Variants in LONP1 observed in about 807,000 individuals in gnomAD.
LONP1 encodes lon protease homolog, mitochondrial.
LONP1 carries 31 observed loss-of-function variants against 98.5 expected under a neutral mutation model. The observed-to-expected ratio is 0.31, with a 90% CI of 0.24 to 0.42. The LOEUF (loss-of-function observed/expected upper bound fraction) is 0.42, where lower values mean the gene tolerates loss of function less well. Ranked by LOEUF, LONP1 falls within the 20% of genes least tolerant of loss-of-function variation. LONP1 has a pLI of 1.00. For synonymous variants in LONP1, 781 were observed against 594.7 expected, an observed-to-expected ratio of 1.31 and a Z score of -4.56; for missense variants, 1,336 against 1,350.6, an observed-to-expected ratio of 0.99 and a Z score of 0.17.
intron 17 of LONP1, among the ~76,000 whole-genome samples, chr19:5,692,591 T>TGCGTCACCC (rs1208023205): frequency 1.3e-5 from 2 of 152,120 alleles, no homozygotes; most frequent in Non-Finnish European, 2.9e-5. Flanking sequence ...CCCCAGGCCC[T>TGCGTCACCC]GCGTCACCCC....
chr19:5,704,451 C>T (rs749199898), intron 8 of LONP1, among the ~76,000 whole-genome samples: 1 of 152,162 alleles, frequency 6.6e-6, no homozygotes, highest in Non-Finnish European at 1.5e-5. Flanking sequence ...CTCCGGCGAC[C>T]GTGACATTCA....
chr19:5,700,674 C>G, intron 9 of LONP1, 115 bp downstream of exon 9: 1 of 1,430,194 alleles, frequency 7.0e-7, no homozygotes, highest in Non-Finnish European at 9.5e-7. Context: ...GACCAGCACC[C>G]CCAGGCCTAC....
rs1228352890 is a variant in LONP1 at position 5,699,076 on chromosome 19, G to A, written c.1636C>T (p.Arg546Cys). ...TCAGTCATGCCCCCGACGCTGAAGC[G>A]GAAGTACTCTCGGTTCAGGGCGCGG... ...IARALNREYF[R>C]FSVGGMTDVA... Residue 546 changes from arginine (R) to cysteine (C), a missense_variant, in exon 10 of 18, where the codon CGC (arginine) becomes TGC (cysteine). Physicochemically the swap from Arg to Cys is radical, Grantham distance 180. This residue lies in a region of LONP1 where 219 missense variants were observed against 241.0 expected (regional missense o/e 0.91). Coordinates refer to ENST00000360614, the MANE Select transcript of LONP1 (RefSeq NM_004793.4). The A allele has an allele frequency of 6.2e-6, 10 of 1,608,710 alleles. No homozygotes were observed. The highest frequency in any genetic ancestry group is 2.2e-5 in the South Asian group (2 of 90,834).
intron 8 of LONP1, among the ~76,000 whole-genome samples, chr19:5,703,316 G>A (rs1599463405): frequency 6.6e-6 from 1 of 152,200 alleles, no homozygotes; most frequent in East Asian, 1.9e-4. Flanking sequence ...AGGGCTGAGT[G>A]AGCAGAACCA....
At chr19:5,704,100 G>T (rs1296320128) in intron 8 of LONP1, among the ~76,000 whole-genome samples, 1 of 152,200 alleles carries the variant, frequency 6.6e-6, no homozygotes, top group East Asian at 1.9e-4. Flanking sequence ...GGGGGCCCAG[G>T]TTCCTCACCA....
rs970525160 is a variant in LONP1 at position 5,699,020 on chromosome 19, G to C, written c.1685+7C>G. The C allele has an allele frequency of 1.9e-6, 3 of 1,601,922 alleles. No individual in the cohort carries two copies. The highest frequency in any genetic ancestry group is 3.4e-5 in the Admixed American group (2 of 59,176). On this transcript the variant is annotated splice_region_variant and intron_variant, in intron 10 of 17. Transcript: ENST00000360614. ...GTGCGTGGGGAGAGCTGTCAGGCCA[G>C]GCCTACCTGTGGCCCTTGATCTCAG...
At chr19:5,713,420 C>A (rs917465261) in intron 2 of LONP1, among the ~76,000 whole-genome samples, 167 bp from the exon 3 acceptor site, 1 of 152,216 alleles carries the variant, frequency 6.6e-6, no homozygotes, top group Non-Finnish European at 1.5e-5. Flanking sequence ...CCTAGGGGAG[C>A]TTCTGCCAGG....
In LONP1 at chr19:5,696,804, G is replaced by A. The variant is rs776493049; in HGVS notation, c.1686-47C>T. The A allele has an allele frequency of 1.6e-5, 22 of 1,358,094 alleles. No individual in the cohort carries two copies. In the Admixed American group the frequency reaches 2.7e-4, roughly 17 times the overall value. The allele number at this position is 1,358,094 out of a possible 1,614,324, so 84.1% of individuals were successfully genotyped here. A position where few individuals can be genotyped will look rare whatever the true frequency, so the allele number is the denominator to read the frequency against. On this transcript the variant is annotated intron_variant, in intron 10 of 17. Coordinates refer to ENST00000360614, the MANE Select transcript of LONP1 (RefSeq NM_004793.4). ...AGAGGTCACTTGGTAGCCTGGCTCG[G>A]CCACAACGACACCATGCACCCTCCA...
At chr19:5,705,114 A>G (rs1416433124) in intron 8 of LONP1, among the ~76,000 whole-genome samples, 2 of 151,224 alleles carry the variant, frequency 1.3e-5, no homozygotes, top group Non-Finnish European at 2.9e-5. Flanking sequence ...GTGAACCAAC[A>G]TTGCACCACT....
chr19:5,691,964 T>TC lies in LONP1; in HGVS notation c.*67dup, dbSNP rs1350650278. 1.1e-6 allele frequency: 1 copy of TC among 879,766 alleles called. No homozygotes were observed. The highest frequency in any genetic ancestry group is 1.6e-6 in the Non-Finnish European group (1 of 609,696). The allele number at this position is 879,766 out of a possible 1,614,324, so 54.5% of individuals were successfully genotyped here. Reference sequence around the variant, plus strand: ...GCTCCACTGCCAGGTCCGGGCGCGCTCCCCACAGCGCTCAGTTCTGGCCCA... The same window carrying TC: ...GCTCCACTGCCAGGTCCGGGCGCGCTCCCCCACAGCGCTCAGTTCTGGCCCA... On this transcript the variant is annotated 3_prime_UTR_variant, in exon 18 of 18. Coordinates refer to ENST00000360614, the MANE Select transcript of LONP1 (RefSeq NM_004793.4).
rs370718882 is a variant in LONP1 at position 5,696,666 on chromosome 19, G to C, written c.1773+4C>G. On this transcript the variant is annotated splice_donor_region_variant and intron_variant, in intron 11 of 17. Coordinates refer to ENST00000360614, the MANE Select transcript of LONP1 (RefSeq NM_004793.4). ...AGGGGGTCTCCGGGCCTCTCCGCAC[G>C]CACCTCGTCGATGAGGATCAGGGGG... 6.8e-6 allele frequency: 11 copies of C among 1,612,742 alleles called. No individual in the cohort carries two copies. Among genetic ancestry groups the C allele is most frequent in the East Asian group, 6.7e-5 (3 of 44,876 alleles).
rs558125416 is a variant in LONP1, at chr19:5,692,093, C to A, written c.2819G>T (p.Arg940Leu). ...CGGGAAGGCGATGTCGAAGATCTCC[C>A]GGTAGTGTTCCACGAAGTGCACCTC... ...GLEVHFVEHYREIFDIAFPDE... is the reference protein window; with the variant it reads ...GLEVHFVEHYLEIFDIAFPDE... The change falls in exon 18 of 18, where the codon CGG becomes CTG. Residue 940 changes from arginine to leucine, a missense_variant. By Grantham distance (102) the Arg-to-Leu change is moderately radical (BLOSUM62 -2). Coordinates refer to ENST00000360614, the MANE Select transcript of LONP1 (RefSeq NM_004793.4). 5.0e-6 allele frequency: 8 copies of A among 1,614,142 alleles called. No homozygotes were observed. The South Asian group carries it at 5.5e-5, about 11-fold the overall frequency.
chr19:5,708,397 T>A lies in LONP1; in HGVS notation c.877A>T (p.Thr293Ser). The change falls in exon 5 of 18, where the codon ACT (threonine) becomes TCT (serine). Residue 293 changes from threonine (T) to serine (S), a missense_variant. This residue lies in a region of LONP1 where 97 missense variants were observed against 139.0 expected (regional missense o/e 0.70). Coordinates refer to ENST00000360614, the MANE Select transcript of LONP1 (RefSeq NM_004793.4). The stretch of plus-strand genomic sequence containing the variant: ...CGGATGGTCTTCACGATCTCTGCAG[T>A]CAGGGCCTGCCAAGTATGGGGCAGG... Reference protein sequence around the residue: ...FQVTEEVKALTAEIVKTIRDI... With the variant: ...FQVTEEVKALSAEIVKTIRDI... The A allele has an allele frequency of 7.9e-7, 1 of 1,259,466 alleles. No individual in the cohort carries two copies. Among genetic ancestry groups the A allele is most frequent in the Non-Finnish European group, 1.1e-6 (1 of 933,274 alleles). 78.0% of individuals were successfully genotyped at this position (1,259,466 alleles called of 1,614,324 possible).
At chr19:5,702,893 G>A (rs1393817942) in intron 8 of LONP1, among the ~76,000 whole-genome samples, 1 of 150,728 alleles carries the variant, frequency 6.6e-6, no homozygotes, top group African/African-American at 2.4e-5. Context: ...AAGGCCGCAG[G>A]GTCCTCTGCC....
chr19:5,702,205 G>A (rs1037943913), intron 8 of LONP1, among the ~76,000 whole-genome samples: 2 of 150,062 alleles, frequency 1.3e-5, no homozygotes, highest in South Asian at 4.2e-4. Context: ...AGGGAGGAGT[G>A]GGGGTCAGCC....
In LONP1 at chr19:5,695,090, T is replaced by C. The variant is rs561119082; in HGVS notation, c.2014-189A>G. 3.8e-4 allele frequency among the ~76,000 whole-genome samples: 58 copies of C among 152,124 alleles called. No individual in the cohort carries two copies. The South Asian group carries it at 0.012, about 31-fold the overall frequency. On this transcript the variant is annotated intron_variant, in intron 13 of 17. Transcript: ENST00000360614. The stretch of plus-strand genomic sequence containing the variant: ...TGCCCAGAGGCCCCAGGCCTTTGCT[T>C]GTGCTGCGTCCTCTGCTTGGATCCA...
chr19:5,716,584 A>G (rs573170642), intron 1 of LONP1, among the ~76,000 whole-genome samples: 2,948 of 151,680 alleles, frequency 0.019, 51 homozygotes, highest in East Asian at 0.036. Flanking sequence ...CCAGAAAAAA[A>G]AAAGTCAGTA....
chr19:5,705,823 T>C lies in LONP1; in HGVS notation c.1316A>G (p.Asp439Gly), dbSNP rs1167346602. 1 of 1,614,026 alleles carries C rather than the reference T, an allele frequency of 6.2e-7. No individual in the cohort carries two copies. The highest frequency in any genetic ancestry group is 1.1e-5 in the South Asian group (1 of 91,090). The stretch of plus-strand genomic sequence containing the variant: ...CAGGCCCAGCTTGCTCAGCTCCTCG[T>C]CCACAACATCCATGACGTGCTTGGG... ...VVPKHVMDVV[D>G]EELSKLGLLD... The change falls in exon 8 of 18, where the codon GAC becomes GGC. Residue 439 changes from aspartate (D) to glycine (G), a missense_variant. Physicochemically the swap from Asp to Gly is moderately conservative, Grantham distance 94. This residue lies in a region of LONP1 where 219 missense variants were observed against 241.0 expected (regional missense o/e 0.91). Coordinates refer to ENST00000360614, the MANE Select transcript of LONP1 (RefSeq NM_004793.4).
chr19:5,708,022 G>T, intron 5 of LONP1, 196 bp from the exon 6 acceptor site: 1 of 661,352 alleles, frequency 1.5e-6, no homozygotes, highest in Non-Finnish European at 2.5e-6. Context: ...GGAAAGGCAT[G>T]CAGCATCCTC....
Sources: allele counts gnomAD v4.1 joint callset (sites outside exome capture counted in the v4.1 genomes callset), GRCh38; gene constraint gnomAD v4.1.1; regional missense constraint gnomAD v4.1.1; transcripts MANE v1.5; gene names NCBI Gene and HGNC (gene_info 2026-07-23, HGNC 2026-07-21).